The following PDE4D variants were observed in gnomAD, a reference collection of about 807,000 sequenced individuals.
PDE4D encodes 3',5'-cyclic-AMP phosphodiesterase 4D.
PDE4D carries 24 observed loss-of-function variants against 87.4 expected under a neutral mutation model. The observed-to-expected ratio is 0.27, with a 90% CI of 0.20 to 0.39. PDE4D has a LOEUF of 0.39. Ranked by LOEUF, PDE4D falls within the 10% of genes least tolerant of loss-of-function variation. The probability of loss-of-function intolerance (pLI) is 1.00; values close to 1 mark genes in which losing one functional copy is unlikely to be tolerated. For synonymous variants in PDE4D, 384 were observed against 383.2 expected, an observed-to-expected ratio of 1.00 and a Z score of -0.02; for missense variants, 714 against 1,041.0, an observed-to-expected ratio of 0.69 and a Z score of 4.32.
At chr5:59,393,352 T>C (rs935806134) in intron 1 of PDE4D, among the ~76,000 whole-genome samples, 6 of 152,090 alleles carry the variant, frequency 3.9e-5, no homozygotes, top group African/African-American at 1.2e-4. Flanking sequence ...AAATAACATA[T>C]AGAACAAGGG....
At chr5:59,329,907 GTTTTC>G (rs1197035332) in intron 1 of PDE4D, among the ~76,000 whole-genome samples, 1 of 152,092 alleles carries the variant, frequency 6.6e-6, no homozygotes, top group African/African-American at 2.4e-5. Context: ...ACATAAAAGT[GTTTTC>G]TTTTGCAGAT....
At chr5:60,148,189 C>A (rs1224980666) in intron 2 of PDE4D, among the ~76,000 whole-genome samples, 1 of 152,066 alleles carries the variant, frequency 6.6e-6, no homozygotes, top group Non-Finnish European at 1.5e-5. Context: ...GGGGGTGGGG[C>A]AGGGGAGTAA....
chr5:59,013,490 A>G (rs1420622743), intron 6 of PDE4D, among the ~76,000 whole-genome samples: 1 of 149,406 alleles, frequency 6.7e-6, no homozygotes, highest in African/African-American at 2.4e-5. Context: ...TCCCCCAGAG[A>G]TACAAACTAC....
intron 1 of PDE4D, among the ~76,000 whole-genome samples, chr5:59,726,846 A>AATATAGAAGATCAACT (rs574826015): frequency 2.0e-5 from 3 of 152,128 alleles, no homozygotes; most frequent in South Asian, 4.1e-4. Flanking sequence ...CTATATTTTG[A>AATATAGAAGATCAACT]ATATAGAAGA....
At chr5:59,206,030 C>A (rs1581379479) in intron 2 of PDE4D, among the ~76,000 whole-genome samples, 1 of 152,156 alleles carries the variant, frequency 6.6e-6, no homozygotes, top group East Asian at 1.9e-4. Context: ...GGAATTGACA[C>A]ATTATATATG....
At chr5:60,385,225 G>C (rs75022546) in intron 1 of PDE4D, among the ~76,000 whole-genome samples, 18,799 of 152,178 alleles carry the variant, frequency 0.12, 1,544 homozygotes, top group African/African-American at 0.23. Context: ...AAATGTAGGA[G>C]GGTATGGAAG....
At chr5:60,237,829 G>A (rs959146265) in intron 1 of PDE4D, among the ~76,000 whole-genome samples, 8 of 150,978 alleles carry the variant, frequency 5.3e-5, no homozygotes, top group African/African-American at 1.5e-4. Flanking sequence ...GGGGAAACTG[G>A]GTGAATGGTA....
At chr5:59,637,290 G>C (rs1189895653) in intron 1 of PDE4D, among the ~76,000 whole-genome samples, 2 of 152,176 alleles carry the variant, frequency 1.3e-5, no homozygotes, top group East Asian at 3.9e-4. Context: ...CTTTTACACT[G>C]TTGGTGGGAG....
At chr5:59,671,280 A>G (rs1747151881) in intron 1 of PDE4D, among the ~76,000 whole-genome samples, 1 of 152,196 alleles carries the variant, frequency 6.6e-6, no homozygotes, top group African/African-American at 2.4e-5. Context: ...TCCAAATAGC[A>G]ACTCAGGCAG....
chr5:59,795,097 CCA>C (rs1766309463), intron 1 of PDE4D, among the ~76,000 whole-genome samples: 1 of 152,188 alleles, frequency 6.6e-6, no homozygotes, highest in African/African-American at 2.4e-5. Context: ...TAAGGCTTGG[CCA>C]TGTATTTTCT....
chr5:59,392,060 A>AT (rs370958033), intron 1 of PDE4D, among the ~76,000 whole-genome samples: 10,869 of 150,188 alleles, frequency 0.072, 957 homozygotes, highest in African/African-American at 0.21. Context: ...TCACTGCTGT[A>AT]TTTTTTTTTA....
chr5:60,322,270 A>C (rs979328765), intron 1 of PDE4D, among the ~76,000 whole-genome samples: 1 of 152,048 alleles, frequency 6.6e-6, no homozygotes, highest in African/African-American at 2.4e-5. Flanking sequence ...TTGAAGCTGG[A>C]GGCCATTATG....
At chr5:60,086,026 TG>T (rs1479095862) in intron 2 of PDE4D, among the ~76,000 whole-genome samples, 1 of 152,194 alleles carries the variant, frequency 6.6e-6, no homozygotes, top group Non-Finnish European at 1.5e-5. Context: ...AGTAAAAAAA[TG>T]GCATCTATTT....
At chr5:60,442,770 T>C (rs1290875236) in intron 1 of PDE4D, among the ~76,000 whole-genome samples, 1 of 152,086 alleles carries the variant, frequency 6.6e-6, no homozygotes, top group Non-Finnish European at 1.5e-5. Context: ...TTTGGGTGGA[T>C]AGAAAAATGG....
intron 1 of PDE4D, among the ~76,000 whole-genome samples, chr5:60,466,585 A>T (rs1390883903): frequency 6.6e-6 from 1 of 152,234 alleles, no homozygotes; most frequent in Non-Finnish European, 1.5e-5. Context: ...TCTGTGCACC[A>T]CAAGAGAGAA....
chr5:59,264,201 T>C (rs1412699557), intron 1 of PDE4D, among the ~76,000 whole-genome samples: 1 of 152,018 alleles, frequency 6.6e-6, no homozygotes, highest in Non-Finnish European at 1.5e-5. Context: ...AGATCACCAA[T>C]GGATCACAGC....
intron 5 of PDE4D, among the ~76,000 whole-genome samples, chr5:59,175,313 C>A (rs1040791444): frequency 6.6e-6 from 1 of 152,072 alleles, no homozygotes; most frequent in East Asian, 1.9e-4. Context: ...ATGAAATGTA[C>A]CAAAGAAGCT....
chr5:60,247,703 T>C (rs985176783), intron 1 of PDE4D, among the ~76,000 whole-genome samples: 15 of 152,008 alleles, frequency 9.9e-5, no homozygotes, highest in South Asian at 6.2e-4. Context: ...AGTCCTCTAG[T>C]GCTTCCTCTC....
intron 2 of PDE4D, among the ~76,000 whole-genome samples, chr5:59,199,726 G>T (rs527551932): frequency 6.6e-6 from 1 of 152,084 alleles, no homozygotes; most frequent in East Asian, 1.9e-4. Flanking sequence ...CCAAGGATTA[G>T]CTATAGGAGG....
Sources: gnomAD v4.1 joint callset for allele counts (sites outside exome capture counted in the v4.1 genomes callset) on GRCh38, gnomAD v4.1.1 for gene constraint, MANE v1.5 for transcripts, NCBI Gene and HGNC (gene_info 2026-07-23, HGNC 2026-07-21) for gene names.